AFTPH: variants seen among roughly 807,000 people sequenced by gnomAD.
AFTPH encodes aftiphilin protein.
AFTPH carries 7 observed loss-of-function variants against 72.5 expected under a neutral mutation model. That is an observed-to-expected ratio of 0.10 (90% CI 0.05 to 0.18). The LOEUF (loss-of-function observed/expected upper bound fraction) is 0.18, where lower values mean the gene tolerates loss of function less well. Among genes scored for constraint, AFTPH ranks in the 10% least tolerant of loss-of-function variants. The pLI, the probability that AFTPH is intolerant of heterozygous loss-of-function variation, is 1.00. For missense variants in AFTPH, 979 were observed against 1,060.5 expected (o/e 0.92, Z 1.07); for synonymous variants, 337 against 370.1 (o/e 0.91, Z 1.03).
Position 64,570,913 on chromosome 2 carries a change from C to T in AFTPH, c.2271+1234C>T, listed in dbSNP as rs1229511747. 3.6e-5 allele frequency among the ~76,000 whole-genome samples: 2 copies of T among 55,822 alleles called. 1 individual carries two copies. The highest frequency in any genetic ancestry group is 3.6e-4 in the Admixed American group (2 of 5,592). 36.6% of individuals were successfully genotyped at this position (55,822 alleles called of 152,430 possible). On this transcript the variant is annotated intron_variant, in intron 5 of 8. Coordinates refer to ENST00000238856, the Ensembl canonical transcript of AFTPH. ...ACTTTTTTTCCCACTTCTTTCCTCC[C>T]CTCCCCCCCCCCCCCACCTTTTTTC...
chr2:64,575,387 A>T (rs1672701236), intron 6 of AFTPH, among the ~76,000 whole-genome samples: 1 of 152,112 alleles, frequency 6.6e-6, no homozygotes. Flanking sequence ...GCACTTTGGG[A>T]TGCCAAGGCA....
At chr2:64,583,316 T>TAA (rs11395165) in intron 7 of AFTPH, among the ~76,000 whole-genome samples, 3,569 of 141,872 alleles carry the variant, frequency 0.025, 115 homozygotes, top group African/African-American at 0.078. Context: ...AAGGCTCTGT[T>TAA]AAAAAAAAAA....
intron 8 of AFTPH, 53 bp downstream of exon 9, chr2:64,585,598 C>A: frequency 6.5e-7 from 1 of 1,548,654 alleles, no homozygotes; most frequent in Non-Finnish European, 8.7e-7. Flanking sequence ...GATAAAACGA[C>A]CCAAAGGAAA....
At position 64,581,172 on chromosome 2, in the gene AFTPH, C is replaced by T. The variant is rs559101747; in HGVS notation, c.2455+1626C>T. 8.3e-6 allele frequency: 13 copies of T among 1,574,754 alleles called. No homozygotes were observed. The highest frequency in any genetic ancestry group is 8.2e-5 in the South Asian group (7 of 85,492). ...CCTTCTGTGTGGCTGCCTACCAACA[C>T]GGTCACTGAATTTCAAGCTAGTGGA... On this transcript the variant is annotated intron_variant, in intron 7 of 8. Transcript: ENST00000238856.
intron 6 of AFTPH, among the ~76,000 whole-genome samples, chr2:64,575,927 CAG>C (rs1232932847): frequency 1.3e-5 from 2 of 151,736 alleles, no homozygotes; most frequent in African/African-American, 4.8e-5. Flanking sequence ...TTAGTAGAGA[CAG>C]GGTTTCACCA....
At chr2:64,572,829 T>C in intron 5 of AFTPH, 117 bp from the exon 6 acceptor site, 1 of 1,378,428 alleles carries the variant, frequency 7.3e-7, no homozygotes, top group Non-Finnish European at 9.8e-7. Flanking sequence ...CTAGTTCCTT[T>C]TTGTCTTCAG....
intron 1 of AFTPH, among the ~76,000 whole-genome samples, chr2:64,548,395 G>A (rs548484314): frequency 1.4e-3 from 81 of 58,410 alleles, no homozygotes; most frequent in Middle Eastern, 0.026. Flanking sequence ...GCGAGACTCC[G>A]TCTCAAAAAA....
intron 5 of AFTPH, among the ~76,000 whole-genome samples, chr2:64,570,896 T>TC (rs1672374699): frequency 6.9e-6 from 1 of 144,796 alleles, no homozygotes; most frequent in African/African-American, 2.5e-5. Flanking sequence ...GGACTTTTTT[T>TC]CCCACTTCTT....
intron 5 of AFTPH, among the ~76,000 whole-genome samples, chr2:64,570,582 A>C (rs911296798): frequency 6.6e-6 from 1 of 152,190 alleles, no homozygotes; most frequent in African/African-American, 2.4e-5. Flanking sequence ...CTTTAAAAAC[A>C]TTTTGATGAT....
intron 8 of AFTPH, among the ~76,000 whole-genome samples, chr2:64,586,269 G>C (rs932001128): frequency 6.6e-5 from 10 of 152,218 alleles, no homozygotes; most frequent in African/African-American, 9.6e-5. Context: ...GCAAATACTG[G>C]TTGATTGACA....
At chr2:64,566,430 A>G (rs1480551717) in intron 2 of AFTPH, among the ~76,000 whole-genome samples, 1 of 151,692 alleles carries the variant, frequency 6.6e-6, no homozygotes, top group South Asian at 2.1e-4. Flanking sequence ...TTTTTTTTTT[A>G]ATTTTCCTGG....
intron 8 of AFTPH, among the ~76,000 whole-genome samples, chr2:64,587,844 G>A (rs984020253): frequency 2.0e-5 from 3 of 152,162 alleles, no homozygotes; most frequent in Admixed American, 6.5e-5. Flanking sequence ...CTAATATGGA[G>A]GAAAATTACT....
intron 1 of AFTPH, among the ~76,000 whole-genome samples, chr2:64,533,784 AC>A (rs1187485782): frequency 6.6e-6 from 1 of 152,226 alleles, no homozygotes; most frequent in East Asian, 1.9e-4. Flanking sequence ...AAAATACCTA[AC>A]AATAAACTTA....
chr2:64,573,674 T>G (rs1209417279), intron 6 of AFTPH, among the ~76,000 whole-genome samples: 5 of 152,198 alleles, frequency 3.3e-5, no homozygotes, highest in African/African-American at 1.2e-4. Flanking sequence ...TCTTTTTTTT[T>G]GGAGATGGAG....
At chr2:64,585,845 G>C (rs1673472460) in intron 8 of AFTPH, among the ~76,000 whole-genome samples, 1 of 129,394 alleles carries the variant, frequency 7.7e-6, no homozygotes, top group Non-Finnish European at 1.5e-5. Flanking sequence ...TGATCATAAA[G>C]CCATTATAGA....
chr2:64,536,847 G>T (rs1669918914), intron 1 of AFTPH, among the ~76,000 whole-genome samples: 1 of 150,762 alleles, frequency 6.6e-6, no homozygotes. Flanking sequence ...CAGTTATTTG[G>T]GTGGCTGAAG....
intron 1 of AFTPH, among the ~76,000 whole-genome samples, chr2:64,548,433 A>AAAAAAAAAAAAAAAAAAAAAAAAAC (rs1243472946): frequency 9.8e-6 from 1 of 102,542 alleles, no homozygotes; most frequent in Non-Finnish European, 2.1e-5. Flanking sequence ...AAAAAAAAAA[A>AAAAAAAAAAAAAAAAAAAAAAAAAC]AACTTTAGAA....
intron 2 of AFTPH, among the ~76,000 whole-genome samples, chr2:64,558,316 A>G (rs557166643): frequency 6.6e-6 from 1 of 152,334 alleles, no homozygotes; most frequent in African/African-American, 2.4e-5. Flanking sequence ...TGCAACTTTA[A>G]GTGAAAGGAC....
exon 2 of AFTPH, chr2:64,551,568 G>C (rs1310951186): frequency 6.2e-7 from 1 of 1,614,068 alleles, no homozygotes. Flanking sequence ...TGGGGAATTT[G>C]GTGGGTTTTC....
Sources: gnomAD v4.1 joint callset for allele counts (sites outside exome capture counted in the v4.1 genomes callset) on GRCh38, gnomAD v4.1.1 for gene constraint, MANE v1.5 for transcripts, NCBI Gene and HGNC (gene_info 2026-07-23, HGNC 2026-07-21) for gene names.